RAB39A: variants seen among roughly 807,000 people sequenced by gnomAD.
RAB39A encodes ras-related protein Rab-39A.
In RAB39A, 17 loss-of-function variants were observed where a neutral mutation model predicts 20.9. The ratio of observed to expected loss-of-function variants is 0.81; its 90% CI spans 0.56 to 1.22. The LOEUF is 1.22. RAB39A is among the 50% of genes most tolerant of loss of function. The pLI, the probability that RAB39A is intolerant of heterozygous loss-of-function variation, is 0.00. For synonymous variants in RAB39A, 99 were observed against 103.4 expected, an observed-to-expected ratio of 0.96 and a Z score of 0.26; for missense variants, 234 against 270.5, an observed-to-expected ratio of 0.87 and a Z score of 0.95.
At chr11:107,948,240 C>A (rs181668968) in intron 1 of RAB39A, among the ~76,000 whole-genome samples, 29 of 152,136 alleles carry the variant, frequency 1.9e-4, no homozygotes, top group African/African-American at 7.0e-4. Context: ...AGGCAACTGG[C>A]AGAGAGTTTG....
Position 107,962,302 on chromosome 11 carries a change from G to C in RAB39A, c.584G>C (p.Ser195Thr). 1 of 1,613,872 alleles carries C rather than the reference G, an allele frequency of 6.2e-7. No homozygotes were observed. The highest frequency in any genetic ancestry group is 2.2e-5 in the East Asian group (1 of 44,858). Residue 195 changes from serine to threonine, a missense_variant, in exon 2 of 2, where the codon AGT becomes ACT. Transcript: ENST00000320578. Reference sequence around the variant, plus strand: ...CAGGATGGCTGGGAAGGGGTTAAAAGTGGTTTTGTTCCAAATACTGTGCAT... The same window carrying C: ...CAGGATGGCTGGGAAGGGGTTAAAACTGGTTTTGTTCCAAATACTGTGCAT... ...CIQDGWEGVK[S>T]GFVPNTVHSS... is the part of the protein sequence containing the mutation.
At chr11:107,959,421 T>C (rs2134975509) in intron 1 of RAB39A, among the ~76,000 whole-genome samples, 1 of 152,282 alleles carries the variant, frequency 6.6e-6, no homozygotes, top group South Asian at 2.1e-4. Flanking sequence ...TAGTTATCCC[T>C]CAAAGTTAAA....
chr11:107,943,322 A>C (rs1861278108), intron 1 of RAB39A, among the ~76,000 whole-genome samples: 1 of 152,144 alleles, frequency 6.6e-6, no homozygotes, highest in South Asian at 2.1e-4. Flanking sequence ...CTGTAATCCC[A>C]GCACTTTGGG....
chr11:107,946,458 ATATTTTTTTTTTTT>A (rs1861318815), intron 1 of RAB39A, among the ~76,000 whole-genome samples: 3 of 26,710 alleles, frequency 1.1e-4, no homozygotes, highest in African/African-American at 3.5e-4. Flanking sequence ...ATATATATAT[ATATTTTTTTTTTTT>A]TTTTTTTTTT....
intron 1 of RAB39A, among the ~76,000 whole-genome samples, chr11:107,936,300 CTCTG>C (rs1393751813): frequency 5.3e-5 from 8 of 151,984 alleles, no homozygotes; most frequent in Non-Finnish European, 1.2e-4. Context: ...TACCCCTTTC[CTCTG>C]TCTATCCATA....
In RAB39A at chr11:107,962,028, G is replaced by A; in HGVS notation, c.310G>A (p.Val104Met). 1.2e-6 allele frequency: 2 copies of A among 1,613,928 alleles called. No individual in the cohort carries two copies. The highest frequency in any genetic ancestry group is 1.7e-6 in the Non-Finnish European group (2 of 1,179,838). Residue 104 changes from valine (V) to methionine (M), a missense_variant, in exon 2 of 2, where the codon GTG becomes ATG. Coordinates refer to ENST00000320578, the MANE Select transcript of RAB39A (RefSeq NM_017516.3). ...DITNRRSFEHVKDWLEEAKMY... is the reference protein window; with the variant it reads ...DITNRRSFEHMKDWLEEAKMY... ...TACTAACCGACGATCTTTTGAACATGTGAAAGATTGGCTAGAAGAAGCAAA... is the reference window on the plus strand; with the variant it reads ...TACTAACCGACGATCTTTTGAACATATGAAAGATTGGCTAGAAGAAGCAAA...
intron 1 of RAB39A, among the ~76,000 whole-genome samples, chr11:107,943,519 C>T (rs1192587888): frequency 1.4e-5 from 2 of 146,446 alleles, no homozygotes; most frequent in African/African-American, 2.5e-5. Flanking sequence ...TGCAGTGAGC[C>T]GAAATTGCAC....
intron 1 of RAB39A, among the ~76,000 whole-genome samples, chr11:107,952,202 C>A (rs1278395459): frequency 6.6e-6 from 1 of 152,152 alleles, no homozygotes; most frequent in Non-Finnish European, 1.5e-5. Flanking sequence ...CATATACATA[C>A]AATGGAACAT....
chr11:107,951,548 G>T (rs1861379089), intron 1 of RAB39A, among the ~76,000 whole-genome samples: 1 of 151,634 alleles, frequency 6.6e-6, no homozygotes, highest in Non-Finnish European at 1.5e-5. Context: ...TTTTTAAGAG[G>T]CCTGTGCGTA....
chr11:107,941,740 T>C (rs565906455), intron 1 of RAB39A, among the ~76,000 whole-genome samples: 18 of 152,304 alleles, frequency 1.2e-4, no homozygotes, highest in Non-Finnish European at 1.5e-5. Context: ...AAAAAGGCTA[T>C]AGAAAGTCTA....
intron 1 of RAB39A, among the ~76,000 whole-genome samples, chr11:107,940,541 G>A (rs1861248454): frequency 6.6e-6 from 1 of 152,048 alleles, no homozygotes; most frequent in Admixed American, 6.6e-5. Context: ...TGGGATTACA[G>A]GTGCGAGCCT....
intron 1 of RAB39A, among the ~76,000 whole-genome samples, chr11:107,955,286 T>C (rs1234643931): frequency 6.6e-6 from 1 of 152,056 alleles, no homozygotes; most frequent in Non-Finnish European, 1.5e-5. Context: ...CATGAGCCAC[T>C]GCACGCGGCC....
At position 107,963,320 on chromosome 11, in the gene RAB39A, C is replaced by CTCG. The variant is rs2134979340; in HGVS notation, c.*949_*951dup. The CTCG allele has an allele frequency of 6.6e-6, 1 of 152,304 alleles. No homozygotes were observed. Among genetic ancestry groups the CTCG allele is most frequent in the South Asian group, 2.1e-4 (1 of 4,834 alleles). 9.4% of individuals were successfully genotyped at this position (152,304 alleles called of 1,614,324 possible). ...TCCTCGCCTCAAGCAATTCGCCCCC[C>CTCG]TCGGCCTCCAAAGTGCTGGAATTAT... On this transcript the variant is annotated 3_prime_UTR_variant, in exon 2 of 2. Transcript: ENST00000320578.
chr11:107,948,542 C>A (rs1861341541), intron 1 of RAB39A, among the ~76,000 whole-genome samples: 1 of 152,064 alleles, frequency 6.6e-6, no homozygotes, highest in African/African-American at 2.4e-5. Flanking sequence ...GCCCATCCCC[C>A]AGGCTGGAGT....
chr11:107,955,791 T>G (rs547132956), intron 1 of RAB39A, among the ~76,000 whole-genome samples: 296 of 151,452 alleles, frequency 2.0e-3, no homozygotes, highest in Non-Finnish European at 3.4e-3. Flanking sequence ...TGAGCCGAGA[T>G]CACACCATTG....
intron 1 of RAB39A, among the ~76,000 whole-genome samples, chr11:107,960,554 T>G (rs1591250402): frequency 6.6e-6 from 1 of 152,184 alleles, no homozygotes; most frequent in Admixed American, 6.5e-5. Context: ...GCCTCATGAT[T>G]CAGCCAGGAA....
At chr11:107,961,841 A>G (rs947369774) in intron 1 of RAB39A, 105 bp from the exon 2 acceptor site, 6 of 907,844 alleles carry the variant, frequency 6.6e-6, no homozygotes, top group Non-Finnish European at 9.7e-6. Context: ...TTCTAGTTAA[A>G]TCATATTAAG....
At chr11:107,960,899 C>T (rs1861489817) in intron 1 of RAB39A, among the ~76,000 whole-genome samples, 1 of 152,166 alleles carries the variant, frequency 6.6e-6, no homozygotes, top group African/African-American at 2.4e-5. Context: ...CAGCGCCTCC[C>T]ATTGGCTGAA....
At chr11:107,946,238 A>G (rs1275702283) in intron 1 of RAB39A, among the ~76,000 whole-genome samples, 1 of 126,030 alleles carries the variant, frequency 7.9e-6, no homozygotes, top group East Asian at 2.0e-4. Context: ...TTAAAAAACA[A>G]AAAAAAAAAC....
Sources: gnomAD v4.1 joint callset for allele counts (sites outside exome capture counted in the v4.1 genomes callset) on GRCh38, gnomAD v4.1.1 for gene constraint, MANE v1.5 for transcripts, NCBI Gene and HGNC (gene_info 2026-07-23, HGNC 2026-07-21) for gene names.